The following MYH15 variants were observed in gnomAD, a reference collection of about 807,000 sequenced individuals.
MYH15 encodes myosin-15.
MYH15 carries 227 observed loss-of-function variants against 240.5 expected under a neutral mutation model. The ratio of observed to expected loss-of-function variants is 0.94; its 90% CI spans 0.85 to 1.05. The LOEUF is 1.05. Ranked by LOEUF, MYH15 falls within the 50% of genes least tolerant of loss-of-function variation. The probability of loss-of-function intolerance (pLI) is 0.00; values close to 1 mark genes in which losing one functional copy is unlikely to be tolerated. For missense variants in MYH15, 2,217 were observed against 2,247.5 expected, an observed-to-expected ratio of 0.99 and a Z score of 0.27; for synonymous variants, 785 against 796.7, an observed-to-expected ratio of 0.99 and a Z score of 0.25.
chr3:108,386,004 G>T lies in MYH15; in HGVS notation c.5536-1222C>A, dbSNP rs187320769. ...GAGGCAGGGATGAATATATATGAAA[G>T]AACCTAGTTGGGGAACTGAGACAAG... On this transcript the variant is annotated intron_variant, in intron 38 of 40. Transcript: ENST00000693548. Among the ~76,000 whole-genome samples the T allele has an allele frequency of 5.3e-5, 8 of 152,300 alleles. No individual in the cohort carries two copies. In the East Asian group the frequency reaches 1.5e-3, roughly 29 times the overall value.
At chr3:108,467,518 G>C (rs16854665) in intron 14 of MYH15, among the ~76,000 whole-genome samples, 19,772 of 152,046 alleles carry the variant, frequency 0.13, 1,693 homozygotes, top group East Asian at 0.41. Flanking sequence ...TCAAAAACCA[G>C]TGAATGAAAA....
intron 25 of MYH15, among the ~76,000 whole-genome samples, chr3:108,432,337 C>A (rs1348847874): frequency 6.6e-6 from 1 of 151,984 alleles, no homozygotes; most frequent in East Asian, 1.9e-4. Flanking sequence ...GGATTACAGG[C>A]ATGAGCCACT....
intron 18 of MYH15, among the ~76,000 whole-genome samples, chr3:108,457,623 A>T (rs1160537022): frequency 7.0e-6 from 1 of 142,944 alleles, no homozygotes; most frequent in Non-Finnish European, 1.6e-5. Context: ...ATGGTATTAC[A>T]TGAAAAATAA....
At chr3:108,421,312 T>C in intron 27 of MYH15, 98 bp from the exon 28 acceptor site, 1 of 1,367,532 alleles carries the variant, frequency 7.3e-7, no homozygotes, top group Non-Finnish European at 1.0e-6. Flanking sequence ...GGGATCCGCA[T>C]GCTCTCTTCT....
At chr3:108,440,696 CAAA>C (rs35672120) in intron 23 of MYH15, among the ~76,000 whole-genome samples, 3 of 140,110 alleles carry the variant, frequency 2.1e-5, no homozygotes, top group Admixed American at 7.2e-5. Flanking sequence ...CCTCTCCTTC[CAAA>C]AAAAAAAAAA....
intron 11 of MYH15, among the ~76,000 whole-genome samples, chr3:108,480,367 A>T (rs2083257247): frequency 6.6e-6 from 1 of 152,208 alleles, no homozygotes; most frequent in African/African-American, 2.4e-5. Flanking sequence ...GAGGGACTGG[A>T]CTACGATACC....
chr3:108,525,084 T>C (rs1057197171), intron 1 of MYH15, among the ~76,000 whole-genome samples: 3 of 152,068 alleles, frequency 2.0e-5, no homozygotes, highest in Non-Finnish European at 4.4e-5. Context: ...GCCACTACTA[T>C]AGAAAGTCTA....
At position 108,380,850 on chromosome 3, in the gene MYH15, G is replaced by A. The variant is rs116371378; in HGVS notation, c.*695C>T. 1,084 of 152,744 alleles carry A rather than the reference G, an allele frequency of 7.1e-3. 3 individuals are homozygous for A. The highest frequency in any genetic ancestry group is 0.012 in the Non-Finnish European group (831 of 68,392). The allele number at this position is 152,744 out of a possible 1,614,324, so 9.5% of individuals were successfully genotyped here. On this transcript the variant is annotated 3_prime_UTR_variant, in exon 41 of 41. Coordinates refer to ENST00000693548, the MANE Select transcript of MYH15 (RefSeq NM_014981.3). ...CCTACTCCAATCCAGAACCATGAGA[G>A]AGAGGAATTCCGGGACATGTTCCTC... is the stretch of plus-strand genomic sequence containing the variant.
At chr3:108,490,428 A>G (rs2107598421) in intron 9 of MYH15, among the ~76,000 whole-genome samples, 1 of 152,326 alleles carries the variant, frequency 6.6e-6, no homozygotes, top group East Asian at 1.9e-4. Flanking sequence ...GTTGTCCTCA[A>G]AGGCTTACCT....
At chr3:108,449,916 T>C (rs528679826) in intron 21 of MYH15, among the ~76,000 whole-genome samples, 8 of 152,148 alleles carry the variant, frequency 5.3e-5, no homozygotes, top group South Asian at 4.1e-4. Flanking sequence ...AATGACCTGA[T>C]AGACATTTCT....
chr3:108,417,788 T>TAC (rs2082645798), intron 28 of MYH15, among the ~76,000 whole-genome samples: 1 of 69,070 alleles, frequency 1.4e-5, no homozygotes, highest in Admixed American at 1.5e-4. Flanking sequence ...CAGGTATGTA[T>TAC]ATATATATAC....
intron 21 of MYH15, among the ~76,000 whole-genome samples, chr3:108,453,448 AT>A (rs747494850): frequency 6.6e-6 from 1 of 152,176 alleles, no homozygotes; most frequent in Non-Finnish European, 1.5e-5. Context: ...TTGTTTGGAG[AT>A]TTTGCTAGCT....
chr3:108,494,880 T>A (rs1399578303), intron 7 of MYH15, among the ~76,000 whole-genome samples: 1 of 152,234 alleles, frequency 6.6e-6, no homozygotes, highest in African/African-American at 2.4e-5. Context: ...ATGTTCTTTT[T>A]CTGTCCCTTT....
intron 1 of MYH15, among the ~76,000 whole-genome samples, chr3:108,528,536 G>A (rs2083690568): frequency 1.3e-5 from 2 of 152,146 alleles, no homozygotes; most frequent in African/African-American, 2.4e-5. Context: ...GTCTTTAAAA[G>A]CCATGACCTA....
chr3:108,424,419 A>C (rs1560347456), intron 27 of MYH15, among the ~76,000 whole-genome samples: 1 of 152,264 alleles, frequency 6.6e-6, no homozygotes, highest in Non-Finnish European at 1.5e-5. Flanking sequence ...TATAGCATGC[A>C]AAAGAGTTGT....
intron 1 of MYH15, among the ~76,000 whole-genome samples, chr3:108,524,130 G>A (rs2083646909): frequency 6.6e-6 from 1 of 151,878 alleles, no homozygotes; most frequent in African/African-American, 2.4e-5. Context: ...TTGCCAGATT[G>A]TTTTCCAAAA....
chr3:108,506,148 G>C (rs1310004465), intron 1 of MYH15, among the ~76,000 whole-genome samples: 2 of 152,050 alleles, frequency 1.3e-5, no homozygotes, highest in African/African-American at 4.8e-5. Flanking sequence ...GGACTTTGGT[G>C]GTTGCCCTGG....
At position 108,421,184 on chromosome 3, in the gene MYH15, CAT is replaced by C. The variant is rs1416147804; in HGVS notation, c.3731_3732del (p.Tyr1244Ter). On this transcript the variant is annotated frameshift_variant, in exon 28 of 41. Transcript: ENST00000693548. LOFTEE classifies it high-confidence loss of function. ...GCAGTTGCTTCATGCAAGCGCTCTT[CAT>C]ATAGAGTACAGAGTTTCTCAGCATT... ...KANAEKLCTLYEERLHEATAK... is the reference protein window; with the variant it reads ...KANAEKLCTLXEERLHEATAK... The C allele has an allele frequency of 6.2e-7, 1 of 1,613,662 alleles. No individual in the cohort carries two copies. The highest frequency in any genetic ancestry group is 1.1e-5 in the South Asian group (1 of 91,078).
At chr3:108,404,215 T>C (rs2082529506) in intron 33 of MYH15, among the ~76,000 whole-genome samples, 4 of 152,146 alleles carry the variant, frequency 2.6e-5, no homozygotes, top group Admixed American at 2.6e-4. Context: ...AGGCCAAATT[T>C]GGCTTGACAC....
Sources: allele counts gnomAD v4.1 joint callset (sites outside exome capture counted in the v4.1 genomes callset), GRCh38; gene constraint gnomAD v4.1.1; transcripts MANE v1.5; gene names NCBI Gene and HGNC (gene_info 2026-07-23, HGNC 2026-07-21).